GPC5: variants seen among roughly 807,000 people sequenced by gnomAD.
The protein encoded by GPC5 is glypican-5.
Under a neutral mutation model 53.9 loss-of-function variants are expected in GPC5, and 47 were observed. That is an observed-to-expected ratio of 0.87 (90% confidence interval 0.69 to 1.11). The LOEUF (loss-of-function observed/expected upper bound fraction) is 1.11. Ranked by LOEUF, GPC5 falls within the 50% of genes most tolerant of loss-of-function variation. The pLI is 0.00. For synonymous variants in GPC5, 286 were observed against 263.3 expected (o/e 1.09, Z -0.84); for missense variants, 748 against 713.1 (o/e 1.05, Z -0.56).
chr13:92,563,107 T>C (rs1332042259), intron 7 of GPC5, among the ~76,000 whole-genome samples: 2 of 152,036 alleles, frequency 1.3e-5, no homozygotes, highest in Non-Finnish European at 2.9e-5. Flanking sequence ...CTTAAATTCC[T>C]AAAGACCCAG....
chr13:92,076,050 CTT>C (rs1353244940), intron 6 of GPC5, among the ~76,000 whole-genome samples: 1 of 150,366 alleles, frequency 6.7e-6, no homozygotes, highest in Non-Finnish European at 1.5e-5. Flanking sequence ...AACCATGTGT[CTT>C]AGAGAGGGAA....
intron 2 of GPC5, among the ~76,000 whole-genome samples, chr13:91,463,299 G>A (rs1882047584): frequency 6.6e-6 from 1 of 152,056 alleles, no homozygotes; most frequent in African/African-American, 2.4e-5. Flanking sequence ...GGAGCTTTGT[G>A]GAATTCTTTT....
At chr13:91,699,228 A>G (rs2035945378) in intron 3 of GPC5, among the ~76,000 whole-genome samples, 1 of 152,200 alleles carries the variant, frequency 6.6e-6, no homozygotes, top group Admixed American at 6.5e-5. Flanking sequence ...CAGTTTCCAT[A>G]ATATATGAAA....
intron 7 of GPC5, among the ~76,000 whole-genome samples, chr13:92,368,501 C>G (rs542295858): frequency 1.3e-5 from 2 of 150,590 alleles, no homozygotes; most frequent in Non-Finnish European, 3.0e-5. Flanking sequence ...AAAATTAGCC[C>G]GGCATTGTGG....
intron 2 of GPC5, among the ~76,000 whole-genome samples, chr13:91,664,707 T>G (rs1240531783): frequency 4.6e-5 from 7 of 152,256 alleles, no homozygotes; most frequent in African/African-American, 1.7e-4. Flanking sequence ...GTCTGCATGT[T>G]GCTTACAGTT....
chr13:92,701,209 G>T (rs1887727836), intron 7 of GPC5, among the ~76,000 whole-genome samples: 1 of 151,968 alleles, frequency 6.6e-6, no homozygotes, highest in South Asian at 2.1e-4. Flanking sequence ...TTAAAATTTG[G>T]ATTGATGGCC....
At chr13:92,477,233 G>A (rs531381514) in intron 7 of GPC5, among the ~76,000 whole-genome samples, 1 of 152,060 alleles carries the variant, frequency 6.6e-6, no homozygotes, top group Non-Finnish European at 1.5e-5. Flanking sequence ...GAGGGAAAGG[G>A]TTTGGCAGTG....
At chr13:92,222,011 T>C (rs1476297074) in intron 7 of GPC5, among the ~76,000 whole-genome samples, 2 of 152,204 alleles carry the variant, frequency 1.3e-5, no homozygotes, top group African/African-American at 4.8e-5. Context: ...GTGTTGGGTG[T>C]GAATGAGTTG....
chr13:92,102,223 CAA>C (rs990136060), intron 6 of GPC5, among the ~76,000 whole-genome samples: 5 of 152,036 alleles, frequency 3.3e-5, no homozygotes, highest in African/African-American at 9.7e-5. Flanking sequence ...AAGTGGGAAA[CAA>C]GAGCATATGT....
chr13:92,169,996 T>G (rs2042058040), intron 7 of GPC5, among the ~76,000 whole-genome samples: 1 of 151,994 alleles, frequency 6.6e-6, no homozygotes, highest in Admixed American at 6.6e-5. Context: ...ATCAATAGCA[T>G]AAAATATTAC....
intron 7 of GPC5, among the ~76,000 whole-genome samples, chr13:92,575,327 A>G (rs1566300770): frequency 6.6e-6 from 1 of 152,174 alleles, no homozygotes. Context: ...TTATAATTAA[A>G]AGAAAAGGTA....
At chr13:91,528,679 T>C (rs756877738) in intron 2 of GPC5, among the ~76,000 whole-genome samples, 4 of 152,192 alleles carry the variant, frequency 2.6e-5, no homozygotes, top group Non-Finnish European at 5.9e-5. Flanking sequence ...TATTAGTTCA[T>C]TCTCACACTG....
chr13:91,946,304 C>T (rs1469840076), intron 6 of GPC5, among the ~76,000 whole-genome samples: 1 of 151,880 alleles, frequency 6.6e-6, no homozygotes, highest in African/African-American at 2.4e-5. Flanking sequence ...CAGAACTAAG[C>T]GCTGCCATGG....
intron 7 of GPC5, among the ~76,000 whole-genome samples, chr13:92,454,220 G>A (rs774757306): frequency 1.4e-4 from 22 of 152,220 alleles, no homozygotes; most frequent in Non-Finnish European, 2.2e-4. Context: ...TTTTGAATCC[G>A]TGAGGACATT....
intron 5 of GPC5, among the ~76,000 whole-genome samples, chr13:91,878,376 A>G (rs1174662312): frequency 1.3e-5 from 2 of 152,208 alleles, no homozygotes; most frequent in East Asian, 3.9e-4. Context: ...TCAAAATAGT[A>G]GTAAGTAGTA....
chr13:92,540,088 G>T (rs962121604), intron 7 of GPC5, among the ~76,000 whole-genome samples: 1 of 151,936 alleles, frequency 6.6e-6, no homozygotes, highest in African/African-American at 2.4e-5. Flanking sequence ...GTTTATAGAT[G>T]TTGGGGCCTT....
At chr13:91,790,203 T>C (rs1375721590) in intron 5 of GPC5, among the ~76,000 whole-genome samples, 1 of 152,206 alleles carries the variant, frequency 6.6e-6, no homozygotes, top group African/African-American at 2.4e-5. Flanking sequence ...TATTTCATTG[T>C]GGTTTAATTT....
At chr13:91,639,809 A>T (rs576615530) in intron 2 of GPC5, among the ~76,000 whole-genome samples, 255 of 152,358 alleles carry the variant, frequency 1.7e-3, no homozygotes, top group Non-Finnish European at 3.2e-3. Context: ...CTTCACAAGC[A>T]TTATTTGATT....
At chr13:92,617,562 C>G (rs778298718) in intron 7 of GPC5, among the ~76,000 whole-genome samples, 1 of 152,134 alleles carries the variant, frequency 6.6e-6, no homozygotes, top group Non-Finnish European at 1.5e-5. Flanking sequence ...AACTGCCACT[C>G]TATTCCCTAC....
Sources: allele counts gnomAD v4.1 joint callset (sites outside exome capture counted in the v4.1 genomes callset), GRCh38; gene constraint gnomAD v4.1.1; transcripts MANE v1.5; gene names NCBI Gene and HGNC (gene_info 2026-07-23, HGNC 2026-07-21).